MTSS1: variants seen among roughly 807,000 people sequenced by gnomAD.
MTSS1 encodes protein MTSS 1.
A neutral mutation model predicts 79.0 loss-of-function variants in MTSS1; 18 were observed. The ratio of observed to expected loss-of-function variants is 0.23; its 90% CI spans 0.16 to 0.34. The LOEUF (loss-of-function observed/expected upper bound fraction) is 0.34. Among genes scored for constraint, MTSS1 ranks in the 10% least tolerant of loss-of-function variants. The probability of loss-of-function intolerance (pLI) is 1.00; values close to 1 mark genes in which losing one functional copy is unlikely to be tolerated. For synonymous variants in MTSS1, 341 were observed against 368.6 expected, an observed-to-expected ratio of 0.93 and a Z score of 0.86; for missense variants, 815 against 986.2, an observed-to-expected ratio of 0.83 and a Z score of 2.33.
At chr8:124,635,293 C>G (rs888409997) in intron 3 of MTSS1, among the ~76,000 whole-genome samples, 1 of 152,204 alleles carries the variant, frequency 6.6e-6, no homozygotes, top group South Asian at 2.1e-4. Flanking sequence ...ACAGGAAACT[C>G]TAGATCACCT....
rs1054522744 is a variant in MTSS1, at chr8:124,552,049, T to C, written c.*943A>G. 6.5e-6 allele frequency: 1 copy of C among 152,674 alleles called. No individual in the cohort carries two copies. The highest frequency in any genetic ancestry group is 2.4e-5 in the African/African-American group (1 of 41,466). 9.5% of individuals were successfully genotyped at this position (152,674 alleles called of 1,614,324 possible). A position where few individuals can be genotyped will look rare whatever the true frequency, so the allele number is the denominator to read the frequency against. On this transcript the variant is annotated 3_prime_UTR_variant, in exon 14 of 14. Coordinates refer to ENST00000518547, the MANE Select transcript of MTSS1 (RefSeq NM_014751.6). ...ATAATCTAAGAATTCCCTGCTATTA[T>C]CATTTTTAAATGTTTTCACATTTTT... is the stretch of plus-strand genomic sequence containing the variant.
chr8:124,725,969 C>T (rs1039281912), intron 1 of MTSS1, among the ~76,000 whole-genome samples: 2 of 149,122 alleles, frequency 1.3e-5, no homozygotes, highest in African/African-American at 5.1e-5. Context: ...AATTTTACTG[C>T]CAAAACAAAC....
At chr8:124,660,190 G>T (rs1821738159) in intron 3 of MTSS1, among the ~76,000 whole-genome samples, 1 of 152,082 alleles carries the variant, frequency 6.6e-6, no homozygotes, top group South Asian at 2.1e-4. Flanking sequence ...CCCTTCTCTG[G>T]CTCTGAGCTC....
rs1440703189 is a variant in MTSS1 at position 124,555,988 on chromosome 8, A to AG, written c.1405-85_1405-84insC. The AG allele has an allele frequency of 5.7e-6, 9 of 1,565,876 alleles. No individual in the cohort carries two copies. In the East Asian group the frequency reaches 1.9e-4, roughly 32 times the overall value. On this transcript the variant is annotated intron_variant, in intron 12 of 13. Transcript: ENST00000518547. ...CCTGTTCTGCCCCCGTGAGCACTACATGTCTGTGGGGCCAGGGGGCTATTG... is the reference window on the plus strand; with the variant it reads ...CCTGTTCTGCCCCCGTGAGCACTACAGTGTCTGTGGGGCCAGGGGGCTATTG...
At chr8:124,556,545 G>T in intron 11 of MTSS1, 140 bp from the exon 12 acceptor site, 1 of 914,886 alleles carries the variant, frequency 1.1e-6, no homozygotes, top group Non-Finnish European at 1.6e-6. Context: ...CAGGCCCTCT[G>T]CATGCCCTCT....
chr8:124,572,738 C>CT (rs1554644706), intron 6 of MTSS1, among the ~76,000 whole-genome samples: 2 of 132,430 alleles, frequency 1.5e-5, no homozygotes, highest in African/African-American at 6.1e-5. Context: ...TCTTTCTTTT[C>CT]TTTTCTTTTT....
chr8:124,643,402 A>G (rs1818415396), intron 3 of MTSS1, among the ~76,000 whole-genome samples: 1 of 152,130 alleles, frequency 6.6e-6, no homozygotes, highest in Admixed American at 6.6e-5. Context: ...ATGATCATTT[A>G]AAAACAAAAA....
chr8:124,711,527 T>C (rs1442674491), intron 1 of MTSS1, among the ~76,000 whole-genome samples: 3 of 152,128 alleles, frequency 2.0e-5, no homozygotes, highest in Admixed American at 2.0e-4. Context: ...GCCCCAGGGC[T>C]GCAAAGAGTG....
intron 3 of MTSS1, among the ~76,000 whole-genome samples, chr8:124,613,617 C>T (rs1836287457): frequency 6.6e-6 from 1 of 152,208 alleles, no homozygotes; most frequent in Non-Finnish European, 1.5e-5. Context: ...AAAGGTCCTT[C>T]AAGCCTATGG....
At chr8:124,601,281 C>T (rs968538395) in intron 3 of MTSS1, among the ~76,000 whole-genome samples, 2 of 152,034 alleles carry the variant, frequency 1.3e-5, no homozygotes, top group South Asian at 2.1e-4. Flanking sequence ...AAGCTGGTCT[C>T]GAACTCCTGA....
At chr8:124,713,833 G>A (rs1216670963) in intron 1 of MTSS1, among the ~76,000 whole-genome samples, 2 of 151,092 alleles carry the variant, frequency 1.3e-5, no homozygotes, top group African/African-American at 4.9e-5. Flanking sequence ...TTGCTGCCTC[G>A]ACTTCCCAGG....
chr8:124,648,734 G>A lies in MTSS1; in HGVS notation c.208+50792C>T, dbSNP rs76990293. Among the ~76,000 whole-genome samples the A allele has an allele frequency of 9.2e-3, 1,373 of 149,768 alleles. 25 individuals carry two copies. The highest frequency in any genetic ancestry group is 0.033 in the African/African-American group (1,326 of 39,758). ...GCCCCCCCCCAGATACTGACCAGAC[G>A]GTGTTCCAAGGAAAGGTAAGTGAGA... is the stretch of plus-strand genomic sequence containing the variant. On this transcript the variant is annotated intron_variant, in intron 3 of 13. Transcript: ENST00000518547.
chr8:124,553,431 G>A lies in MTSS1; in HGVS notation c.1829C>T (p.Pro610Leu). 1 of 1,607,020 alleles carries A rather than the reference G, an allele frequency of 6.2e-7. No homozygotes were observed. Among genetic ancestry groups the A allele is most frequent in the Non-Finnish European group, 8.5e-7 (1 of 1,175,162 alleles). Reference protein sequence around the residue: ...RRGTIGAGPIPIKTPVIPVKT... With the variant: ...RRGTIGAGPILIKTPVIPVKT... Reference sequence around the variant, plus strand: ...GACAGGGATCACGGGTGTCTTGATGGGGATGGGACCAGCTCCAATGGTTCC... The same window carrying A: ...GACAGGGATCACGGGTGTCTTGATGAGGATGGGACCAGCTCCAATGGTTCC... Residue 610 changes from proline (P) to leucine (L), a missense_variant, in exon 14 of 14, where the codon CCC becomes CTC. This residue lies in a region of MTSS1 where 590 missense variants were observed against 620.8 expected (regional missense o/e 0.95). Transcript: ENST00000518547. The surrounding 1 kb of genome is among the most constrained non-coding windows in gnomAD (Gnocchi z 6.0).
Position 124,728,089 on chromosome 8 carries a change from AG to A in MTSS1, c.-135del. 1.5e-6 allele frequency: 1 copy of A among 677,686 alleles called. No individual in the cohort carries two copies. Among genetic ancestry groups the A allele is most frequent in the Non-Finnish European group, 2.5e-6 (1 of 404,822 alleles). 42.0% of individuals were successfully genotyped at this position (677,686 alleles called of 1,614,324 possible). Reference sequence around the variant, plus strand: ...CGGACTCGCAGCCTCTTCTGCAGCGAGGACGGGGTGCACCAGACCGACTGTT... The same window carrying A: ...CGGACTCGCAGCCTCTTCTGCAGCGAGACGGGGTGCACCAGACCGACTGTT... On this transcript the variant is annotated 5_prime_UTR_variant, in exon 1 of 14. Transcript: ENST00000518547. This position sits in a 1 kb window ranked among gnomAD's most constrained non-coding sequence, Gnocchi z 6.1.
At chr8:124,693,259 T>C (rs1828251490) in intron 3 of MTSS1, among the ~76,000 whole-genome samples, 1 of 152,092 alleles carries the variant, frequency 6.6e-6, no homozygotes, top group South Asian at 2.1e-4. Flanking sequence ...TGGGGAGATG[T>C]CATCGGACAG....
intron 3 of MTSS1, among the ~76,000 whole-genome samples, chr8:124,652,460 C>T (rs111871952): frequency 0.011 from 1,709 of 152,216 alleles, 15 homozygotes; most frequent in Non-Finnish European, 0.019. Context: ...GCCACCATGC[C>T]CAGCCGAGGA....
intron 3 of MTSS1, among the ~76,000 whole-genome samples, chr8:124,627,267 G>A (rs746264385): frequency 6.6e-6 from 1 of 152,178 alleles, no homozygotes; most frequent in Non-Finnish European, 1.5e-5. Context: ...TTATCAAGTT[G>A]GTACTCAAAA....
chr8:124,592,752 T>G (rs1832073420), intron 3 of MTSS1, among the ~76,000 whole-genome samples: 1 of 152,218 alleles, frequency 6.6e-6, no homozygotes, highest in South Asian at 2.1e-4. Context: ...TTTCTCAATC[T>G]GGACAATGTT....
intron 3 of MTSS1, among the ~76,000 whole-genome samples, chr8:124,652,794 CAAAA>C (rs773654376): frequency 1.3e-5 from 1 of 74,488 alleles, no homozygotes. Flanking sequence ...GACTCCGTCT[CAAAA>C]AAAAAAAAAA....
Sources: allele counts gnomAD v4.1 joint callset (sites outside exome capture counted in the v4.1 genomes callset), GRCh38; gene constraint gnomAD v4.1.1; regional missense constraint gnomAD v4.1.1; non-coding constraint Gnocchi (gnomAD v3.1); transcripts MANE v1.5; gene names NCBI Gene and HGNC (gene_info 2026-07-23, HGNC 2026-07-21).